CNKSR2: variants seen among roughly 807,000 people sequenced by gnomAD.
CNKSR2 encodes the protein connector enhancer of kinase suppressor of Ras 2.
A neutral mutation model predicts 84.4 loss-of-function variants in CNKSR2; 14 were observed. That is an observed-to-expected ratio of 0.17 (90% CI 0.11 to 0.26). The LOEUF (loss-of-function observed/expected upper bound fraction) is 0.26. Among genes scored for constraint, CNKSR2 ranks in the 10% least tolerant of loss-of-function variants. CNKSR2 has a pLI of 1.00. For missense variants in CNKSR2, 485 were observed against 771.2 expected (o/e 0.63, Z 4.40); for synonymous variants, 275 against 277.9 (o/e 0.99, Z 0.10).
chrX:21,512,777 T>C (rs1198072407), intron 8 of CNKSR2, among the ~76,000 whole-genome samples: 1 of 111,565 alleles, frequency 9.0e-6, no homozygotes, highest in Non-Finnish European at 1.9e-5. Context: ...TTGTTTTGTT[T>C]TCTGGTGAAT....
chrX:21,462,933 C>T (rs1196617865), intron 4 of CNKSR2, among the ~76,000 whole-genome samples: 1 of 110,209 alleles, frequency 9.1e-6, no homozygotes, highest in Non-Finnish European at 1.9e-5. Flanking sequence ...GTCTCGATCT[C>T]CTGACCTTGT....
At chrX:21,632,988 TATACAC>T (rs1355529532) in intron 20 of CNKSR2, among the ~76,000 whole-genome samples, 14 of 96,843 alleles carry the variant, frequency 1.4e-4, no homozygotes, top group South Asian at 9.0e-4. Flanking sequence ...ACTTATATAA[TATACAC>T]ACACACACAC....
rs1380455548 is a variant in CNKSR2, at chrX:21,510,922, G to A, written c.811-5563G>A. On this transcript the variant is annotated intron_variant, in intron 8 of 21. Transcript: ENST00000379510. ...AGAAGATAATAGTAGTTCAGTGTATGTGAAAAACATTATAGCTAATAATAA... is the reference window on the plus strand; with the variant it reads ...AGAAGATAATAGTAGTTCAGTGTATATGAAAAACATTATAGCTAATAATAA... Among the ~76,000 whole-genome samples the A allele has an allele frequency of 2.7e-5, 3 of 111,813 alleles. No homozygotes were observed. In the Admixed American group the frequency reaches 2.9e-4, roughly 11 times the overall value.
intron 1 of CNKSR2, among the ~76,000 whole-genome samples, chrX:21,414,828 C>T (rs2090394732): frequency 9.0e-6 from 1 of 111,591 alleles, no homozygotes; most frequent in African/African-American, 3.3e-5. Context: ...CAGTGTATGT[C>T]CTTGGCACTT....
chrX:21,426,789 T>C lies in CNKSR2; in HGVS notation c.228+129T>C, dbSNP rs895749534. 4.3e-6 allele frequency: 3 copies of C among 693,084 alleles called. No individual in the cohort carries two copies. The African/African-American group carries it at 6.8e-5, about 16-fold the overall frequency. 57.1% of individuals were successfully genotyped at this position (693,084 alleles called of 1,213,427 possible). A position where few individuals can be genotyped will look rare whatever the true frequency, so the allele number is the denominator to read the frequency against. ...AAAAAAACTCTGATTCTCAACCAGC[T>C]GGACCTGATATTTTCTTCCTTCCTT... is the stretch of plus-strand genomic sequence containing the variant. On this transcript the variant is annotated intron_variant, in intron 2 of 21. Transcript: ENST00000379510.
intron 20 of CNKSR2, among the ~76,000 whole-genome samples, chrX:21,639,436 C>T (rs889688285): frequency 5.4e-4 from 60 of 111,533 alleles, no homozygotes; most frequent in African/African-American, 1.9e-3. Flanking sequence ...GTAGGAGTGC[C>T]GTTGTAGTTT....
intron 5 of CNKSR2, among the ~76,000 whole-genome samples, chrX:21,477,734 C>G (rs940336114): frequency 6.3e-5 from 7 of 111,838 alleles, no homozygotes; most frequent in African/African-American, 2.3e-4. Flanking sequence ...TAGCTTTCCT[C>G]TTCTGATGGA....
chrX:21,599,340 GT>G (rs1555957599), intron 17 of CNKSR2, among the ~76,000 whole-genome samples: 10 of 7,738 alleles, frequency 1.3e-3, no homozygotes, highest in Non-Finnish European at 2.6e-3. Context: ...TTTTGTTTTG[GT>G]GTGTGTGTGT....
intron 11 of CNKSR2, among the ~76,000 whole-genome samples, chrX:21,533,560 C>T (rs989358994): frequency 2.7e-5 from 3 of 111,156 alleles, no homozygotes; most frequent in Non-Finnish European, 5.7e-5. Flanking sequence ...AGTTCTTACT[C>T]GAATGGCTAT....
intron 4 of CNKSR2, among the ~76,000 whole-genome samples, chrX:21,443,447 T>G (rs777405874): frequency 2.7e-5 from 3 of 111,521 alleles, no homozygotes; most frequent in African/African-American, 9.8e-5. Flanking sequence ...AAAATTCCTC[T>G]TAAAACTCAA....
At chrX:21,612,406 T>C (rs752568150) in intron 20 of CNKSR2, among the ~76,000 whole-genome samples, 5 of 112,297 alleles carry the variant, frequency 4.5e-5, no homozygotes, top group Admixed American at 3.8e-4. Context: ...CCAACAGCAG[T>C]GTGTTACTTA....
intron 12 of CNKSR2, 75 bp from the exon 13 acceptor site, chrX:21,563,149 TGCGCCAACCTAATA>T: frequency 1.4e-6 from 1 of 710,893 alleles, no homozygotes. Flanking sequence ...CAATTACTTT[TGCGCCAACCTAATA>T]GCACAATTGA....
intron 21 of CNKSR2, 66 bp from the exon 22 acceptor site, chrX:21,652,240 C>A: frequency 1.0e-6 from 1 of 975,845 alleles, no homozygotes; most frequent in Non-Finnish European, 1.4e-6. Flanking sequence ...TGCCTATTAA[C>A]TTTTTATTTT....
intron 20 of CNKSR2, among the ~76,000 whole-genome samples, chrX:21,629,257 G>A (rs1324620261): frequency 8.9e-6 from 1 of 111,801 alleles, no homozygotes; most frequent in Admixed American, 9.5e-5. Context: ...AAGTCTCTAG[G>A]GAGTGTCAAA....
intron 13 of CNKSR2, among the ~76,000 whole-genome samples, chrX:21,585,857 G>GA (rs1198766477): frequency 1.8e-5 from 2 of 111,377 alleles, no homozygotes; most frequent in Non-Finnish European, 3.8e-5. Context: ...GATGTTTTTG[G>GA]AAAAAATGAA....
intron 13 of CNKSR2, among the ~76,000 whole-genome samples, chrX:21,566,629 G>GTAA (rs2092240848): frequency 8.9e-6 from 1 of 111,751 alleles, no homozygotes; most frequent in Non-Finnish European, 1.9e-5. Context: ...CTAGCTCTAT[G>GTAA]TAATCTAAAG....
At chrX:21,498,460 G>T (rs2091525184) in intron 7 of CNKSR2, among the ~76,000 whole-genome samples, 1 of 96,981 alleles carries the variant, frequency 1.0e-5, no homozygotes, top group South Asian at 3.9e-4. Flanking sequence ...TAAGCAGTGG[G>T]CCAGAAGTCC....
At chrX:21,550,766 G>A (rs1423464238) in intron 11 of CNKSR2, among the ~76,000 whole-genome samples, 1 of 111,096 alleles carries the variant, frequency 9.0e-6, no homozygotes, top group Non-Finnish European at 1.9e-5. Context: ...CCGGGCACAG[G>A]GGCTCACGCC....
At chrX:21,575,796 C>T (rs1024469458) in intron 13 of CNKSR2, among the ~76,000 whole-genome samples, 1 of 112,061 alleles carries the variant, frequency 8.9e-6, no homozygotes, top group African/African-American at 3.2e-5. Context: ...ATTTTAACAA[C>T]ACCTGCCTCT....
Sources: allele counts gnomAD v4.1 joint callset (sites outside exome capture counted in the v4.1 genomes callset), GRCh38; gene constraint gnomAD v4.1.1; transcripts MANE v1.5; gene names NCBI Gene and HGNC (gene_info 2026-07-23, HGNC 2026-07-21).